The following MYO3B variants were observed in gnomAD, a reference collection of about 807,000 sequenced individuals.
MYO3B encodes the protein myosin IIIB, also known as myosin-IIIb.
A neutral mutation model predicts 174.6 loss-of-function variants in MYO3B; 156 were observed. The ratio of observed to expected loss-of-function variants is 0.89; its 90% CI spans 0.78 to 1.02. The LOEUF (loss-of-function observed/expected upper bound fraction) is 1.02. Among genes scored for constraint, MYO3B ranks in the 50% least tolerant of loss-of-function variants. The probability of loss-of-function intolerance (pLI) is 0.00; values close to 1 mark genes in which losing one functional copy is unlikely to be tolerated. For missense variants in MYO3B, 1,632 were observed against 1,639.4 expected, an observed-to-expected ratio of 1.00 and a Z score of 0.08; for synonymous variants, 563 against 569.1, an observed-to-expected ratio of 0.99 and a Z score of 0.15.
At chr2:170,616,015 TGTCA>T (rs1695442575) in intron 32 of MYO3B, among the ~76,000 whole-genome samples, 1 of 152,196 alleles carries the variant, frequency 6.6e-6, no homozygotes, top group South Asian at 2.1e-4. Context: ...ATAGTGTGTG[TGTCA>T]GTAATTTCTA....
chr2:170,325,446 G>A lies in MYO3B; in HGVS notation c.750-9939G>A, dbSNP rs1268146817. 4.6e-5 allele frequency among the ~76,000 whole-genome samples: 7 copies of A among 152,140 alleles called. No homozygotes were observed. In the East Asian group the frequency reaches 1.2e-3, roughly 25 times the overall value. On this transcript the variant is annotated intron_variant, in intron 7 of 34. Coordinates refer to ENST00000408978, the MANE Select transcript of MYO3B (RefSeq NM_138995.5). ...TGGTCTTGAACTCCTGACCTCAGGT[G>A]ATCCACCCGCCTCAGCCTCCCAAAG... is the stretch of plus-strand genomic sequence containing the variant.
At chr2:170,453,453 C>CACACGA (rs749891550) in intron 23 of MYO3B, among the ~76,000 whole-genome samples, 95 of 123,056 alleles carry the variant, frequency 7.7e-4, no homozygotes, top group African/African-American at 2.3e-3. Flanking sequence ...CACACACACA[C>CACACGA]GAGAGAGAGA....
chr2:170,628,111 C>T (rs912413501), intron 32 of MYO3B, among the ~76,000 whole-genome samples: 3 of 152,182 alleles, frequency 2.0e-5, no homozygotes, highest in Non-Finnish European at 4.4e-5. Context: ...GAGGTTTCTG[C>T]TGCCTTTTGT....
intron 5 of MYO3B, 46 bp downstream of exon 5, chr2:170,214,874 C>T (rs2105367171): frequency 7.2e-7 from 1 of 1,390,590 alleles, no homozygotes; most frequent in South Asian, 1.2e-5. Context: ...GCAGTTTAGC[C>T]AAAGGGGACA....
chr2:170,508,473 G>C (rs992197719), intron 28 of MYO3B, among the ~76,000 whole-genome samples: 3 of 152,206 alleles, frequency 2.0e-5, no homozygotes, highest in Non-Finnish European at 4.4e-5. Context: ...GAATGATCAT[G>C]CTATTTTTCT....
intron 7 of MYO3B, among the ~76,000 whole-genome samples, chr2:170,300,665 A>G (rs1431226882): frequency 6.6e-6 from 1 of 152,196 alleles, no homozygotes; most frequent in East Asian, 1.9e-4. Flanking sequence ...GCATTATAGG[A>G]AACAACAACA....
chr2:170,479,815 C>T (rs1027486376), intron 25 of MYO3B, among the ~76,000 whole-genome samples: 1 of 147,772 alleles, frequency 6.8e-6, no homozygotes, highest in Admixed American at 6.8e-5. Context: ...TATACATATA[C>T]ACATATATAG....
At chr2:170,319,141 A>G (rs1239212418) in intron 7 of MYO3B, among the ~76,000 whole-genome samples, 1 of 152,228 alleles carries the variant, frequency 6.6e-6, no homozygotes, top group Non-Finnish European at 1.5e-5. Flanking sequence ...TACTCTAAAC[A>G]CTTTATGTAG....
intron 32 of MYO3B, among the ~76,000 whole-genome samples, chr2:170,599,585 A>G (rs1575225334): frequency 6.6e-6 from 1 of 152,118 alleles, no homozygotes; most frequent in African/African-American, 2.4e-5. Flanking sequence ...CATCTCTACT[A>G]AAAATACAAA....
At chr2:170,259,186 C>T (rs748112172) in intron 7 of MYO3B, among the ~76,000 whole-genome samples, 1 of 152,114 alleles carries the variant, frequency 6.6e-6, no homozygotes, top group African/African-American at 2.4e-5. Flanking sequence ...CTACCGATGT[C>T]ATTTTTCATA....
intron 25 of MYO3B, among the ~76,000 whole-genome samples, chr2:170,498,194 TGCAAA>T (rs1487358111): frequency 6.6e-6 from 1 of 152,302 alleles, no homozygotes; most frequent in South Asian, 2.1e-4. Flanking sequence ...GACGGGACTT[TGCAAA>T]GCAGAGTCAA....
At chr2:170,212,966 C>G (rs1206490833) in intron 3 of MYO3B, among the ~76,000 whole-genome samples, 1 of 152,230 alleles carries the variant, frequency 6.6e-6, no homozygotes, top group Non-Finnish European at 1.5e-5. Flanking sequence ...CTTTTAGAAT[C>G]TGGTGAAAGC....
chr2:170,450,638 CT>C (rs1252677634), intron 23 of MYO3B, among the ~76,000 whole-genome samples: 1 of 151,686 alleles, frequency 6.6e-6, no homozygotes, highest in Non-Finnish European at 1.5e-5. Context: ...ACATAAAAAT[CT>C]TTTTCAAAAG....
At chr2:170,346,262 C>G (rs139382836) in intron 8 of MYO3B, 3 of 152,292 alleles carry the variant, frequency 2.0e-5, no homozygotes, top group African/African-American at 4.8e-5. Context: ...TGGTCCAACA[C>G]AAATTTGTAA....
In MYO3B at chr2:170,237,552, T is replaced by C. The variant is rs564019495; in HGVS notation, c.749+1416T>C. Among the ~76,000 whole-genome samples the C allele has an allele frequency of 2.0e-5, 3 of 150,840 alleles. No homozygotes were observed. In the South Asian group the frequency reaches 6.3e-4, roughly 32 times the overall value. ...TTTTGGCGGGGGGGAGGGGGGTGTA[T>C]ATGTTTAAATAGACCCTTCCACTCT... is the stretch of plus-strand genomic sequence containing the variant. On this transcript the variant is annotated intron_variant, in intron 7 of 34. Transcript: ENST00000408978.
intron 32 of MYO3B, among the ~76,000 whole-genome samples, chr2:170,589,064 A>G (rs1466542659): frequency 6.6e-6 from 1 of 152,220 alleles, no homozygotes; most frequent in South Asian, 2.1e-4. Flanking sequence ...AACTGGAACA[A>G]GAACATGTAG....
chr2:170,552,139 G>A (rs572751281), intron 32 of MYO3B, among the ~76,000 whole-genome samples: 1 of 152,274 alleles, frequency 6.6e-6, no homozygotes, highest in East Asian at 1.9e-4. Context: ...ATTGGTACCA[G>A]GAGTGGGGTA....
chr2:170,434,194 GT>G (rs1434388397), intron 22 of MYO3B, among the ~76,000 whole-genome samples: 1 of 152,080 alleles, frequency 6.6e-6, no homozygotes, highest in East Asian at 1.9e-4. Flanking sequence ...AATACTATAG[GT>G]TTGTGTTTTT....
At chr2:170,578,854 C>T (rs1692958949) in intron 32 of MYO3B, among the ~76,000 whole-genome samples, 1 of 152,230 alleles carries the variant, frequency 6.6e-6, no homozygotes, top group Non-Finnish European at 1.5e-5. Flanking sequence ...CAAGGCTTGG[C>T]TCTTTAGCAG....
Sources: gnomAD v4.1 joint callset for allele counts (sites outside exome capture counted in the v4.1 genomes callset) on GRCh38, gnomAD v4.1.1 for gene constraint, MANE v1.5 for transcripts, NCBI Gene and HGNC (gene_info 2026-07-23, HGNC 2026-07-21) for gene names.